The following ZNF236 variants were observed in gnomAD, a reference collection of about 807,000 sequenced individuals.
The protein encoded by ZNF236 is regulated by glucose.
A neutral mutation model predicts 191.2 loss-of-function variants in ZNF236; 50 were observed. The observed-to-expected ratio is 0.26, with a 90% CI of 0.21 to 0.33. The LOEUF (loss-of-function observed/expected upper bound fraction) is 0.33, where lower values mean the gene tolerates loss of function less well. Ranked by LOEUF, ZNF236 falls within the 10% of genes least tolerant of loss-of-function variation. The pLI, the probability that ZNF236 is intolerant of heterozygous loss-of-function variation, is 1.00. For missense variants in ZNF236, 1,754 were observed against 2,374.5 expected (o/e 0.74, Z 5.43); for synonymous variants, 907 against 928.8 (o/e 0.98, Z 0.43).
At chr18:76,871,164 G>A (rs372254670) in intron 4 of ZNF236, among the ~76,000 whole-genome samples, 3 of 152,202 alleles carry the variant, frequency 2.0e-5, no homozygotes, top group Non-Finnish European at 2.9e-5. Flanking sequence ...GGGAGCTTTC[G>A]TGTCTTGACA....
intron 1 of ZNF236, among the ~76,000 whole-genome samples, chr18:76,823,134 C>A (rs564821607): frequency 2.6e-5 from 4 of 151,694 alleles, no homozygotes; most frequent in East Asian, 1.9e-4. Flanking sequence ...CCCGCCCGAC[C>A]CTGCGCGGCG....
chr18:76,851,968 G>A (rs1187166608), intron 3 of ZNF236, 29 bp downstream of exon 3: 2 of 1,572,366 alleles, frequency 1.3e-6, no homozygotes, highest in South Asian at 1.2e-5. Flanking sequence ...CATATACTTT[G>A]TTAACTGATT....
At chr18:76,966,265 G>A (rs924917856) in intron 30 of ZNF236, among the ~76,000 whole-genome samples, 1 of 152,170 alleles carries the variant, frequency 6.6e-6, no homozygotes, top group African/African-American at 2.4e-5. Flanking sequence ...ATCTCTGGAA[G>A]CCTGTGCTTT....
chr18:76,923,035 T>G, intron 20 of ZNF236, 36 bp from the exon 21 acceptor site: 1 of 1,440,856 alleles, frequency 6.9e-7, no homozygotes, highest in Non-Finnish European at 9.8e-7. Context: ...ATGAAGTCGT[T>G]TGTCAATATG....
At chr18:76,921,724 A>G (rs1967540011) in intron 20 of ZNF236, among the ~76,000 whole-genome samples, 1 of 147,278 alleles carries the variant, frequency 6.8e-6, no homozygotes, top group Non-Finnish European at 1.5e-5. Flanking sequence ...GAAGACCAGA[A>G]GAGTGGGATG....
intron 3 of ZNF236, among the ~76,000 whole-genome samples, chr18:76,863,110 GA>G (rs1976292347): frequency 6.6e-6 from 1 of 152,182 alleles, no homozygotes; most frequent in Non-Finnish European, 1.5e-5. Flanking sequence ...GGACAGAGGA[GA>G]ATCAGAGGAG....
At position 76,971,337 on chromosome 18, in the gene ZNF236, T is replaced by G. The variant is rs1968906097; in HGVS notation, c.*2998T>G. ...AAAAACTTGAGGCACTTAGAAAGTA[T>G]CTAAATAGAGGAAATGCTATGACAT... On this transcript the variant is annotated 3_prime_UTR_variant, in exon 31 of 31. Transcript: ENST00000320610. Among the ~76,000 whole-genome samples, 1 of 152,182 alleles carries G rather than the reference T, an allele frequency of 6.6e-6. No homozygotes were observed. Among genetic ancestry groups the G allele is most frequent in the Admixed American group, 6.5e-5 (1 of 15,284 alleles).
intron 18 of ZNF236, among the ~76,000 whole-genome samples, 176 bp from the exon 19 acceptor site, chr18:76,915,471 A>G (rs1382290470): frequency 6.6e-6 from 1 of 151,772 alleles, no homozygotes; most frequent in Non-Finnish European, 1.5e-5. Flanking sequence ...CCCACACCAA[A>G]TAAACTGTCT....
chr18:76,879,493 A>G (rs2122639295), intron 7 of ZNF236, among the ~76,000 whole-genome samples: 1 of 152,316 alleles, frequency 6.6e-6, no homozygotes, highest in South Asian at 2.1e-4. Flanking sequence ...AGAGTTGTCC[A>G]TTCAACGGGT....
At chr18:76,846,939 C>T (rs992721779) in intron 1 of ZNF236, among the ~76,000 whole-genome samples, 8 of 151,950 alleles carry the variant, frequency 5.3e-5, no homozygotes, top group African/African-American at 7.3e-5. Flanking sequence ...GGATTACAGG[C>T]GTGCGCCATC....
intron 5 of ZNF236, 129 bp downstream of exon 5, chr18:76,871,954 T>C: frequency 4.3e-6 from 5 of 1,158,698 alleles, no homozygotes; most frequent in Non-Finnish European, 6.1e-6. Context: ...TTGCTGAAAT[T>C]AGTTACTCTT....
At chr18:76,923,220 A>G in intron 21 of ZNF236, 46 bp downstream of exon 21, 1 of 1,299,622 alleles carries the variant, frequency 7.7e-7, no homozygotes, top group South Asian at 1.2e-5. Flanking sequence ...TTAGGATAGC[A>G]TTTCGTATGT....
At chr18:76,912,489 A>G in intron 17 of ZNF236, 142 bp downstream of exon 17, 1 of 575,576 alleles carries the variant, frequency 1.7e-6, no homozygotes. Context: ...CATATTCTGT[A>G]AATAAACGAT....
intron 3 of ZNF236, among the ~76,000 whole-genome samples, chr18:76,866,406 A>C (rs755976074): frequency 6.6e-6 from 1 of 152,050 alleles, no homozygotes; most frequent in Admixed American, 6.5e-5. Context: ...AGGCCAGGAC[A>C]GGAGACAGGA....
At position 76,910,751 on chromosome 18, in the gene ZNF236, C is replaced by T. The variant is rs376268762; in HGVS notation, c.2745C>T (p.Leu915=). ...CCAGCACACTTGAGTCTCAGGCCCTCTCCACAAGCTTCCACCAGCAGAGCT... is the reference window on the plus strand; with the variant it reads ...CCAGCACACTTGAGTCTCAGGCCCTTTCCACAAGCTTCCACCAGCAGAGCT... ...QDSSTLESQA[L]STSFHQQSLL... is the part of the protein sequence containing the mutation. Residue 915 remains leucine (L), a synonymous_variant, in exon 16 of 31, where the codon CTC becomes CTT. Coordinates refer to ENST00000320610, the MANE Select transcript of ZNF236 (RefSeq NM_001306089.2). 2.7e-5 allele frequency: 43 copies of T among 1,614,206 alleles called. No homozygotes were observed. The highest frequency in any genetic ancestry group is 3.6e-5 in the Non-Finnish European group (43 of 1,180,036).
intron 1 of ZNF236, among the ~76,000 whole-genome samples, chr18:76,835,317 T>G (rs1289752073): frequency 6.6e-6 from 1 of 152,188 alleles, no homozygotes; most frequent in Non-Finnish European, 1.5e-5. Flanking sequence ...GGTCTTTTCA[T>G]GTTATGTGGT....
At chr18:76,830,054 A>T (rs749705691) in intron 1 of ZNF236, among the ~76,000 whole-genome samples, 1 of 152,048 alleles carries the variant, frequency 6.6e-6, no homozygotes, top group Admixed American at 6.6e-5. Flanking sequence ...GTGTGTTAGT[A>T]GAGATGGGGG....
Position 76,863,182 on chromosome 18 carries a change from T to C in ZNF236, c.364-5503T>C, listed in dbSNP as rs574055762. Among the ~76,000 whole-genome samples the C allele has an allele frequency of 1.1e-4, 17 of 152,004 alleles. No homozygotes were observed. In the South Asian group the frequency reaches 2.5e-3, roughly 22 times the overall value. ...GAGCAACAGAGAAGAAATAGAAAAA[T>C]TAACAGGGCCTCAGGGAACTTTGGG... On this transcript the variant is annotated intron_variant, in intron 3 of 30. Coordinates refer to ENST00000320610, the MANE Select transcript of ZNF236 (RefSeq NM_001306089.2).
intron 11 of ZNF236, among the ~76,000 whole-genome samples, chr18:76,901,470 C>A (rs1452095331): frequency 6.6e-6 from 1 of 152,144 alleles, no homozygotes; most frequent in Non-Finnish European, 1.5e-5. Flanking sequence ...CTCCAAAACA[C>A]CAGTCTGGTT....
Sources: gnomAD v4.1 joint callset for allele counts (sites outside exome capture counted in the v4.1 genomes callset) on GRCh38, gnomAD v4.1.1 for gene constraint, MANE v1.5 for transcripts, NCBI Gene and HGNC (gene_info 2026-07-23, HGNC 2026-07-21) for gene names.